ZNF91: variants seen among roughly 807,000 people sequenced by gnomAD.
ZNF91 encodes zinc finger protein 91, also known as zinc finger protein 91 (HPF7, HTF10).
ZNF91 carries 7 observed loss-of-function variants against 12.6 expected under a neutral mutation model. The observed-to-expected ratio is 0.55, with a 90% CI of 0.31 to 1.04. The LOEUF is 1.04. ZNF91 is among the 50% of genes least tolerant of loss of function. The pLI, the probability that ZNF91 is intolerant of heterozygous loss-of-function variation, is 0.05. For synonymous variants in ZNF91, 453 were observed against 462.6 expected (o/e 0.98, Z 0.27); for missense variants, 1,217 against 1,385.4 (o/e 0.88, Z 1.93).
chr19:23,320,954 C>T (rs780477115), intron 1 of ZNF91, among the ~76,000 whole-genome samples: 6 of 152,166 alleles, frequency 3.9e-5, no homozygotes, highest in Non-Finnish European at 7.4e-5. Flanking sequence ...TAATTTAGCA[C>T]ACGTGTCAGG....
chr19:23,321,514 C>T (rs1356908503), intron 1 of ZNF91, among the ~76,000 whole-genome samples: 1 of 152,088 alleles, frequency 6.6e-6, no homozygotes, highest in Non-Finnish European at 1.5e-5. Context: ...TGACATATCC[C>T]TGGGCTCAGC....
intron 1 of ZNF91, among the ~76,000 whole-genome samples, chr19:23,309,841 C>T (rs1466214035): frequency 6.6e-6 from 1 of 151,516 alleles, no homozygotes; most frequent in African/African-American, 2.4e-5. Flanking sequence ...CATCACAAGG[C>T]CCAGCGTGCA....
At chr19:23,342,249 G>C (rs1968140336) in intron 3 of ZNF91, 1 of 495,664 alleles carries the variant, frequency 2.0e-6, no homozygotes, top group Non-Finnish European at 3.7e-6. Context: ...TCAGATCAGA[G>C]TTAGAGACAG....
intron 3 of ZNF91, among the ~76,000 whole-genome samples, chr19:23,341,338 C>T (rs1968119434): frequency 6.6e-6 from 1 of 152,150 alleles, no homozygotes; most frequent in African/African-American, 2.4e-5. Flanking sequence ...CGTGAGCTAC[C>T]ACGCCTGGCC....
chr19:23,340,678 G>C (rs1053055202), intron 3 of ZNF91, among the ~76,000 whole-genome samples: 1 of 151,668 alleles, frequency 6.6e-6, no homozygotes, highest in African/African-American at 2.4e-5. Flanking sequence ...TCAGAGGTCA[G>C]TATCACCCTG....
At chr19:23,368,183 G>A (rs1031267614) in intron 3 of ZNF91, among the ~76,000 whole-genome samples, 26 of 151,916 alleles carry the variant, frequency 1.7e-4, no homozygotes, top group Admixed American at 6.6e-5. Context: ...GCTGGGCGAC[G>A]AGGCCCAGCC....
upstream of ZNF91, among the ~76,000 whole-genome samples, chr19:23,311,640 C>G (rs1967473576): frequency 6.6e-6 from 1 of 152,188 alleles, no homozygotes; most frequent in African/African-American, 2.4e-5. Context: ...CTACATCTAT[C>G]ATTTAGGAAA....
At chr19:23,352,367 C>CA in intron 3 of ZNF91, among the ~76,000 whole-genome samples, 1 of 152,240 alleles carries the variant, frequency 6.6e-6, no homozygotes. Context: ...CCCCATCCCC[C>CA]ATAGCAGCCG....
chr19:23,359,744 T>C lies in ZNF91; in HGVS notation c.3235A>G (p.Lys1079Glu), dbSNP rs775347257. ...KRIHTREKPYKCEECGKAFSQ... is the reference protein window; with the variant it reads ...KRIHTREKPYECEECGKAFSQ... ...AATGCTTTGCCACATTCTTCACATT[T>C]GTAGGGTTTCTCTCTAGTATGAATT... Residue 1079 changes from lysine (K) to glutamate (E), a missense_variant, in exon 4 of 4, where the codon AAA becomes GAA. Transcript: ENST00000300619. 7 of 1,613,994 alleles carry C rather than the reference T, an allele frequency of 4.3e-6. No homozygotes were observed. The highest frequency in any genetic ancestry group is 1.7e-6 in the Non-Finnish European group (2 of 1,180,018).
intron 3 of ZNF91, among the ~76,000 whole-genome samples, chr19:23,373,407 C>A (rs1009174686): frequency 2.2e-5 from 3 of 136,796 alleles, no homozygotes; most frequent in African/African-American, 8.1e-5. Context: ...ACTTTAAAAC[C>A]TGTTTAAACT....
chr19:23,315,751 T>C (rs75582296), intron 1 of ZNF91, among the ~76,000 whole-genome samples: 1,845 of 152,326 alleles, frequency 0.012, 15 homozygotes, highest in Non-Finnish European at 0.019. Flanking sequence ...TAGCCCTACC[T>C]ACCAGAGACA....
chr19:23,342,750 G>A (rs1968150260), intron 3 of ZNF91, among the ~76,000 whole-genome samples: 2 of 151,830 alleles, frequency 1.3e-5, no homozygotes, highest in African/African-American at 4.8e-5. Flanking sequence ...TAGAAAATCT[G>A]GGGTATATTT....
rs1599726421 is a variant in ZNF91 at position 23,362,366 on chromosome 19, T to C, written c.613A>G (p.Ile205Val). 2 of 1,613,684 alleles carry C rather than the reference T, an allele frequency of 1.2e-6. No homozygotes were observed. Among genetic ancestry groups the C allele is most frequent in the Non-Finnish European group, 1.7e-6 (2 of 1,179,872 alleles). Reference sequence around the variant, plus strand: ...TTACATTTACAGGACTTCTCTGTAATATAAACGCATTTATGTTGGGTTTTG... The same window carrying C: ...TTACATTTACAGGACTTCTCTGTAACATAAACGCATTTATGTTGGGTTTTG... ...LHKTQHKCVY[I>V]TEKSCKCKEC... The change falls in exon 4 of 4, where the codon ATT becomes GTT. Residue 205 changes from isoleucine to valine, a missense_variant. Ile to Val is a conservative substitution (Grantham distance 29, BLOSUM62 3). Coordinates refer to ENST00000300619, the MANE Select transcript of ZNF91 (RefSeq NM_003430.4).
chr19:23,380,388 C>G (rs1969668405), intron 1 of ZNF91: 1 of 146,080 alleles, frequency 6.8e-6, no homozygotes, highest in South Asian at 2.4e-4. Flanking sequence ...CGAGCATTAT[C>G]TAAGCCACAG....
Position 23,361,624 on chromosome 19 carries a change from T to C in ZNF91, c.1355A>G (p.His452Arg), listed in dbSNP as rs747781623. 6.2e-7 allele frequency: 1 copy of C among 1,613,720 alleles called. No individual in the cohort carries two copies. Among genetic ancestry groups the C allele is most frequent in the East Asian group, 2.2e-5 (1 of 44,844 alleles). Residue 452 changes from histidine to arginine, a missense_variant, in exon 4 of 4, where the codon CAT (histidine) becomes CGT (arginine). His to Arg is a conservative substitution (Grantham distance 29). This residue lies in a region of ZNF91 where 726 missense variants were observed against 895.5 expected (regional missense o/e 0.81). Transcript: ENST00000300619. ...AFNWSSSLTK[H>R]KRFHTREKPF... is the part of the protein sequence containing the mutation. ...TTTCTCTCTAGTATGAAATCTTTTATGTTTAGTAAGGCTTGAGGACCAGTT... is the reference window on the plus strand; with the variant it reads ...TTTCTCTCTAGTATGAAATCTTTTACGTTTAGTAAGGCTTGAGGACCAGTT...
rs1374975636 is a variant in ZNF91 at position 23,360,016 on chromosome 19, T to C, written c.2963A>G (p.His988Arg). ...SSTLTEHKII[H>R]TGEKPYKCEE... The stretch of plus-strand genomic sequence containing the variant: ...ACATTTGTAGGGTTTCTCTCCAGTA[T>C]GAATTATCTTATGTTCAGTAAGAGT... Residue 988 changes from histidine to arginine, a missense_variant, in exon 4 of 4, where the codon CAT becomes CGT. Transcript: ENST00000300619. 1.2e-6 allele frequency: 2 copies of C among 1,613,610 alleles called. No homozygotes were observed. Among genetic ancestry groups the C allele is most frequent in the African/African-American group, 1.3e-5 (1 of 75,058 alleles).
downstream of ZNF91, among the ~76,000 whole-genome samples, chr19:23,336,756 ATTAT>A (rs912942436): frequency 1.3e-5 from 2 of 152,072 alleles, no homozygotes; most frequent in African/African-American, 2.4e-5. Context: ...ATCTGCCTAA[ATTAT>A]TTATTTATTT....
chr19:23,324,086 TCC>T (rs1016335093), intron 1 of ZNF91: 7 of 150,812 alleles, frequency 4.6e-5, no homozygotes, highest in Non-Finnish European at 1.0e-4. Context: ...CTCCTCCTCC[TCC>T]TTCTCTTCCT....
At chr19:23,335,990 A>G (rs1968001917), downstream of ZNF91, among the ~76,000 whole-genome samples, 1 of 151,956 alleles carries the variant, frequency 6.6e-6, no homozygotes, top group Admixed American at 6.6e-5. Context: ...GTTCCATTAA[A>G]CTCTTCATAA....
Sources: allele counts gnomAD v4.1 joint callset (sites outside exome capture counted in the v4.1 genomes callset), GRCh38; gene constraint gnomAD v4.1.1; regional missense constraint gnomAD v4.1.1; transcripts MANE v1.5; gene names NCBI Gene and HGNC (gene_info 2026-07-23, HGNC 2026-07-21).